Variants in RBFOX1 observed in about 807,000 individuals in gnomAD.
RBFOX1 encodes the protein RNA binding protein fox-1 homolog 1.
Under a neutral mutation model 57.7 loss-of-function variants are expected in RBFOX1, and 8 were observed. The ratio of observed to expected loss-of-function variants is 0.14; its 90% CI spans 0.08 to 0.25. The LOEUF (loss-of-function observed/expected upper bound fraction) is 0.25. RBFOX1 is among the 10% of genes least tolerant of loss of function. The pLI is 1.00. For missense variants in RBFOX1, 611 were observed against 548.5 expected (o/e 1.11, Z -1.14); for synonymous variants, 326 against 222.4 (o/e 1.47, Z -4.15).
chr16:7,103,305 A>G lies in RBFOX1; in HGVS notation c.27+51207A>G, dbSNP rs1329755438. 4.6e-5 allele frequency among the ~76,000 whole-genome samples: 7 copies of G among 152,186 alleles called. No homozygotes were observed. In the South Asian group the frequency reaches 1.4e-3, roughly 31 times the overall value. ...ATGACGTGTCCAGTCTCAAGTCAGT[A>G]TAGCAATGAGTAATCATTGTAGAAT... On this transcript the variant is annotated intron_variant, in intron 4 of 15. Coordinates refer to ENST00000550418, the MANE Select transcript of RBFOX1 (RefSeq NM_018723.4).
intron 2 of RBFOX1, among the ~76,000 whole-genome samples, chr16:6,359,693 C>A (rs1318763353): frequency 6.6e-6 from 1 of 152,192 alleles, no homozygotes; most frequent in Non-Finnish European, 1.5e-5. Flanking sequence ...ACTCTACCAA[C>A]CTTTCGAGCA....
chr16:6,937,194 A>T (rs956370832), intron 3 of RBFOX1, among the ~76,000 whole-genome samples: 2 of 152,186 alleles, frequency 1.3e-5, no homozygotes, highest in Non-Finnish European at 2.9e-5. Context: ...TGGAAAATTC[A>T]ACTATGTCTG....
chr16:6,902,034 C>T (rs151296425), intron 3 of RBFOX1, among the ~76,000 whole-genome samples: 1 of 152,148 alleles, frequency 6.6e-6, no homozygotes, highest in East Asian at 1.9e-4. Flanking sequence ...CTTAAGGTTG[C>T]ACTTTACCTG....
intron 3 of RBFOX1, among the ~76,000 whole-genome samples, chr16:5,777,890 T>C (rs75050753): frequency 6.6e-6 from 1 of 152,178 alleles, no homozygotes; most frequent in African/African-American, 2.4e-5. Flanking sequence ...AGGCATCTCT[T>C]CCATTTAAAT....
chr16:7,550,390 C>T (rs556154538), intron 5 of RBFOX1, among the ~76,000 whole-genome samples: 2 of 152,160 alleles, frequency 1.3e-5, no homozygotes, highest in South Asian at 4.2e-4. Context: ...GTGACGATGC[C>T]CAGAGGGGGA....
chr16:6,008,776 C>T (rs2094942380), intron 4 of RBFOX1, among the ~76,000 whole-genome samples: 1 of 152,190 alleles, frequency 6.6e-6, no homozygotes, highest in Admixed American at 6.5e-5. Flanking sequence ...CAACATCTGT[C>T]CTGTGCTGTT....
intron 3 of RBFOX1, among the ~76,000 whole-genome samples, chr16:6,666,208 C>T (rs533868965): frequency 3.9e-5 from 6 of 152,126 alleles, no homozygotes; most frequent in African/African-American, 1.2e-4. Context: ...GTATCAGCAG[C>T]GTGAAAACAG....
At chr16:6,793,117 G>T (rs989363245) in intron 3 of RBFOX1, among the ~76,000 whole-genome samples, 1 of 151,844 alleles carries the variant, frequency 6.6e-6, no homozygotes, top group Non-Finnish European at 1.5e-5. Context: ...TTCATGGTAC[G>T]CCTGCTGTCA....
At chr16:7,295,453 G>C (rs1220265333) in intron 4 of RBFOX1, among the ~76,000 whole-genome samples, 1 of 152,118 alleles carries the variant, frequency 6.6e-6, no homozygotes, top group Non-Finnish European at 1.5e-5. Context: ...GTGGTTGCTA[G>C]ATAATGGGCA....
Position 7,517,138 on chromosome 16 carries a change from CGTGTGTGTGTGTGTGTGTGTGTGT to C in RBFOX1, c.28-982_28-959del, listed in dbSNP as rs200887129. 4.8e-4 allele frequency among the ~76,000 whole-genome samples: 63 copies of C among 130,220 alleles called. 2 individuals carry two copies. In the East Asian group the frequency reaches 6.4e-3, roughly 13 times the overall value. 85.4% of individuals were successfully genotyped at this position (130,220 alleles called of 152,430 possible). A position where few individuals can be genotyped will look rare whatever the true frequency, so the allele number is the denominator to read the frequency against. On this transcript the variant is annotated intron_variant, in intron 4 of 15. Coordinates refer to ENST00000550418, the MANE Select transcript of RBFOX1 (RefSeq NM_018723.4). Reference sequence around the variant, plus strand: ...ACCTTTGGGTTACAATTTCTTATGCCGTGTGTGTGTGTGTGTGTGTGTGTGTGTGTGTGTGTGTGTGTGTGTGTG... The same window carrying C: ...ACCTTTGGGTTACAATTTCTTATGCCGTGTGTGTGTGTGTGTGTGTGTGTG...
intron 4 of RBFOX1, among the ~76,000 whole-genome samples, chr16:7,242,677 T>G (rs967678955): frequency 1.3e-5 from 2 of 152,182 alleles, no homozygotes; most frequent in African/African-American, 4.8e-5. Context: ...GCTTCGTGAT[T>G]TGCATCCATG....
At chr16:6,480,667 C>G (rs760659015) in intron 2 of RBFOX1, among the ~76,000 whole-genome samples, 6 of 152,108 alleles carry the variant, frequency 3.9e-5, no homozygotes, top group Non-Finnish European at 8.8e-5. Context: ...TACGGAAAAC[C>G]TATAATATTA....
intron 4 of RBFOX1, among the ~76,000 whole-genome samples, chr16:7,371,751 C>T (rs1052777960): frequency 2.7e-5 from 4 of 150,700 alleles, no homozygotes; most frequent in Non-Finnish European, 4.4e-5. Context: ...ACTCTATCTG[C>T]AAAAAAGAAA....
intron 3 of RBFOX1, among the ~76,000 whole-genome samples, chr16:6,692,598 TGTC>T (rs759721643): frequency 5.3e-5 from 8 of 151,920 alleles, no homozygotes; most frequent in Admixed American, 2.0e-4. Flanking sequence ...AAATTTTTGT[TGTC>T]CTCCTTCCAC....
chr16:6,020,926 C>T (rs1212713221), intron 1 of RBFOX1, among the ~76,000 whole-genome samples: 2 of 152,214 alleles, frequency 1.3e-5, no homozygotes, highest in East Asian at 1.9e-4. Flanking sequence ...CTGGAGCCCC[C>T]AGCTCCATTC....
intron 4 of RBFOX1, among the ~76,000 whole-genome samples, chr16:7,468,405 A>T (rs1017465054): frequency 6.6e-6 from 1 of 151,050 alleles, no homozygotes; most frequent in Non-Finnish European, 1.5e-5. Flanking sequence ...AGATAAACTC[A>T]CGCTGCTACT....
At chr16:7,170,397 G>T (rs2080448523) in intron 4 of RBFOX1, among the ~76,000 whole-genome samples, 1 of 151,962 alleles carries the variant, frequency 6.6e-6, no homozygotes, top group African/African-American at 2.4e-5. Context: ...TCAGCCTCCT[G>T]AGTAGCTGAG....
chr16:5,942,664 A>G (rs2059306138), intron 4 of RBFOX1, among the ~76,000 whole-genome samples: 1 of 152,088 alleles, frequency 6.6e-6, no homozygotes, highest in Non-Finnish European at 1.5e-5. Context: ...TTATGTTTTA[A>G]AATACAAACT....
At position 5,406,594 on chromosome 16, in the gene RBFOX1, A is replaced by C. The variant is rs531198071; in HGVS notation, c.220-60622A>C. Among the ~76,000 whole-genome samples, 69 of 151,832 alleles carry C rather than the reference A, an allele frequency of 4.5e-4. 1 individual carries two copies. The highest frequency in any genetic ancestry group is 3.3e-3 in the South Asian group (16 of 4,810). ...TCTTTATTTCTCTCTCTCTCTCTATATATATGTATATATATTCACACACAC... is the reference window on the plus strand; with the variant it reads ...TCTTTATTTCTCTCTCTCTCTCTATCTATATGTATATATATTCACACACAC... On this transcript the variant is annotated intron_variant, in intron 1 of 2. Transcript: ENST00000585867.
Sources: allele counts gnomAD v4.1 joint callset (sites outside exome capture counted in the v4.1 genomes callset), GRCh38; gene constraint gnomAD v4.1.1; transcripts MANE v1.5; gene names NCBI Gene and HGNC (gene_info 2026-07-23, HGNC 2026-07-21).